The following NCSTN variants were observed in gnomAD, a reference collection of about 807,000 sequenced individuals.
NCSTN encodes the protein anterior pharynx-defective 2.
NCSTN carries 22 observed loss-of-function variants against 87.0 expected under a neutral mutation model. That is an observed-to-expected ratio of 0.25 (90% CI 0.18 to 0.36). The LOEUF (loss-of-function observed/expected upper bound fraction) is 0.36, where lower values mean the gene tolerates loss of function less well. Ranked by LOEUF, NCSTN falls within the 10% of genes least tolerant of loss-of-function variation. NCSTN has a pLI of 1.00. For missense variants in NCSTN, 693 were observed against 883.3 expected (o/e 0.78, Z 2.73); for synonymous variants, 306 against 327.1 (o/e 0.94, Z 0.69).
chr1:160,348,493 T>A (rs1648641574), intron 2 of NCSTN, among the ~76,000 whole-genome samples: 1 of 152,192 alleles, frequency 6.6e-6, no homozygotes, highest in Non-Finnish European at 1.5e-5. Flanking sequence ...AACCTCAGAG[T>A]TCTTGACTAA....
intron 11 of NCSTN, 22 bp from the exon 12 acceptor site, chr1:160,355,633 C>G (rs1264414074): frequency 6.3e-7 from 1 of 1,575,634 alleles, no homozygotes; most frequent in Non-Finnish European, 8.7e-7. Context: ...GTAGCCAAGG[C>G]TCATGCCGGC....
At chr1:160,345,839 G>A (rs759792507) in intron 2 of NCSTN, among the ~76,000 whole-genome samples, 3 of 146,674 alleles carry the variant, frequency 2.0e-5, no homozygotes, top group African/African-American at 2.5e-5. Flanking sequence ...CTCGGGAGGC[G>A]GAAGCAGAAG....
At chr1:160,357,759 T>C (rs923945641) in intron 16 of NCSTN, among the ~76,000 whole-genome samples, 4 of 152,138 alleles carry the variant, frequency 2.6e-5, no homozygotes, top group Admixed American at 2.6e-4. Flanking sequence ...GGAGAGCCCC[T>C]GTGGATCCCA....
Position 160,353,014 on chromosome 1 carries a change from C to G in NCSTN, c.1101+23C>G, listed in dbSNP as rs2296271. ...CAGGTATGTGGCATGTCCCCCAGCC[C>G]CTTCCTTTTTAATTAAATCTTCCTC... On this transcript the variant is annotated intron_variant, in intron 9 of 16. Coordinates refer to ENST00000294785, the MANE Select transcript of NCSTN (RefSeq NM_015331.3). 2.1e-3 allele frequency: 3,369 copies of G among 1,603,034 alleles called. 49 individuals are homozygous for G. In the East Asian group the frequency reaches 0.035, roughly 17 times the overall value.
chr1:160,347,495 A>G (rs1480648231), intron 2 of NCSTN, among the ~76,000 whole-genome samples: 1 of 152,200 alleles, frequency 6.6e-6, no homozygotes, highest in Non-Finnish European at 1.5e-5. Flanking sequence ...GCGCAGAGAA[A>G]ATAAGCAAGT....
At chr1:160,352,791 T>TC (rs1232817419) in intron 8 of NCSTN, 96 bp from the exon 9 acceptor site, 4 of 930,912 alleles carry the variant, frequency 4.3e-6, no homozygotes, top group Non-Finnish European at 7.0e-6. Flanking sequence ...CCTGAGATAG[T>TC]CGTCTTACCT....
chr1:160,354,394 A>G, intron 11 of NCSTN, 104 bp downstream of exon 11: 1 of 1,241,876 alleles, frequency 8.1e-7, no homozygotes, highest in Non-Finnish European at 1.2e-6. Flanking sequence ...TACCCCCTCC[A>G]GAACTTCAGG....
At chr1:160,347,938 A>G (rs950713409) in intron 2 of NCSTN, among the ~76,000 whole-genome samples, 2 of 152,210 alleles carry the variant, frequency 1.3e-5, no homozygotes, top group Admixed American at 1.3e-4. Context: ...TTTAGTTGCC[A>G]CACTATCTGT....
intron 2 of NCSTN, 121 bp downstream of exon 2, chr1:160,344,947 A>G: frequency 1.2e-6 from 1 of 828,666 alleles, no homozygotes; most frequent in Non-Finnish European, 2.1e-6. Context: ...GTAGGCAGTT[A>G]CAGATAACCG....
rs1649251321 is a variant in NCSTN at position 160,358,620 on chromosome 1, C to T, written c.*349C>T. ...TTTTTCCTTCCTGCCCTGTACCTCT[C>T]TCTGCTCCTCACCCCCACCCCTGTA... On this transcript the variant is annotated 3_prime_UTR_variant, in exon 17 of 17. Transcript: ENST00000294785. The T allele has an allele frequency of 2.8e-6, 1 of 362,780 alleles. No individual in the cohort carries two copies. Among genetic ancestry groups the T allele is most frequent in the Admixed American group, 3.8e-5 (1 of 26,368 alleles). The allele number at this position is 362,780 out of a possible 1,614,324, so 22.5% of individuals were successfully genotyped here.
intron 16 of NCSTN, 48 bp from the exon 17 acceptor site, chr1:160,358,101 G>T (rs1159229784): frequency 6.2e-7 from 1 of 1,614,016 alleles, no homozygotes; most frequent in Non-Finnish European, 8.5e-7. Context: ...AAACTGCACT[G>T]AGTTCTGAGA....
chr1:160,353,442 G>A, intron 10 of NCSTN: 2 of 1,467,102 alleles, frequency 1.4e-6, no homozygotes, highest in Non-Finnish European at 1.8e-6. Context: ...TGGTTCCCTG[G>A]ACTGGGTAGT....
At position 160,355,673 on chromosome 1, in the gene NCSTN, C is replaced by T. The variant is rs775682336; in HGVS notation, c.1371C>T (p.Tyr457=). ...AFHNKYYQSI[Y]DTAENINVSY... is the part of the protein sequence containing the mutation. ...CTGGCAGATATTACCAGAGTATTTA[C>T]GACACTGCTGAGAACATTAATGTGA... Residue 457 remains tyrosine (Y), a synonymous_variant, in exon 12 of 17, where the codon TAC becomes TAT. Coordinates refer to ENST00000294785, the MANE Select transcript of NCSTN (RefSeq NM_015331.3). 1.1e-5 allele frequency: 17 copies of T among 1,613,818 alleles called. No homozygotes were observed. Among genetic ancestry groups the T allele is most frequent in the Middle Eastern group, 1.6e-4 (1 of 6,084 alleles).
In NCSTN at chr1:160,358,612, G is replaced by T; in HGVS notation, c.*341G>T. On this transcript the variant is annotated 3_prime_UTR_variant, in exon 17 of 17. Coordinates refer to ENST00000294785, the MANE Select transcript of NCSTN (RefSeq NM_015331.3). Reference sequence around the variant, plus strand: ...CCTTCTACTTTTTCCTTCCTGCCCTGTACCTCTCTCTGCTCCTCACCCCCA... The same window carrying T: ...CCTTCTACTTTTTCCTTCCTGCCCTTTACCTCTCTCTGCTCCTCACCCCCA... 1 of 369,064 alleles carries T rather than the reference G, an allele frequency of 2.7e-6. No individual in the cohort carries two copies. Among genetic ancestry groups the T allele is most frequent in the Non-Finnish European group, 5.2e-6 (1 of 190,854 alleles). The allele number at this position is 369,064 out of a possible 1,614,324, so 22.9% of individuals were successfully genotyped here.
rs1384314656 is a variant in NCSTN at position 160,357,235 on chromosome 1, C to T, written c.1989C>T (p.Ile663=). 13 of 1,613,560 alleles carry T rather than the reference C, an allele frequency of 8.1e-6. No individual in the cohort carries two copies. Among genetic ancestry groups the T allele is most frequent in the East Asian group, 2.2e-5 (1 of 44,880 alleles). The change falls in exon 16 of 17, where the codon ATC becomes ATT. Residue 663 remains isoleucine, a synonymous_variant. Coordinates refer to ENST00000294785, the MANE Select transcript of NCSTN (RefSeq NM_015331.3). ...ATATCCGTGCCCGGATATTTCTCATCGCCAGCAAAGAGCTTGAGGTGAGAT... is the reference window on the plus strand; with the variant it reads ...ATATCCGTGCCCGGATATTTCTCATTGCCAGCAAAGAGCTTGAGGTGAGAT... ...WKDIRARIFL[I]ASKELELITL...
In NCSTN at chr1:160,353,151, T is replaced by G; in HGVS notation, c.1102-9T>G. On this transcript the variant is annotated splice_polypyrimidine_tract_variant and intron_variant, in intron 9 of 16. Transcript: ENST00000294785. ...GATTCTAAGTGTTGTTTCTTCATCCTCCCCCCAGGTGGCCTTAAGAACTTC... is the reference window on the plus strand; with the variant it reads ...GATTCTAAGTGTTGTTTCTTCATCCGCCCCCCAGGTGGCCTTAAGAACTTC... 1 of 1,613,526 alleles carries G rather than the reference T, an allele frequency of 6.2e-7. No homozygotes were observed. The highest frequency in any genetic ancestry group is 8.5e-7 in the Non-Finnish European group (1 of 1,179,536).
At position 160,344,764 on chromosome 1, in the gene NCSTN, C is replaced by A. The variant is rs762493645; in HGVS notation, c.128C>A (p.Pro43His). 6.2e-7 allele frequency: 1 copy of A among 1,614,132 alleles called. No homozygotes were observed. The highest frequency in any genetic ancestry group is 8.5e-7 in the Non-Finnish European group (1 of 1,180,010). ...GNSVERKIYI[P>H]LNKTAPCVRL... ...TCAGTGGAGAGGAAGATATATATCC[C>A]CTTAAATAAAACAGCTCCCTGTGTT... Residue 43 changes from proline (P) to histidine (H), a missense_variant, in exon 2 of 17, where the codon CCC (proline) becomes CAC (histidine). Physicochemically the swap from Pro to His is moderately conservative, Grantham distance 77. Coordinates refer to ENST00000294785, the MANE Select transcript of NCSTN (RefSeq NM_015331.3).
chr1:160,346,126 G>C (rs1303345727), intron 2 of NCSTN, among the ~76,000 whole-genome samples: 1 of 152,006 alleles, frequency 6.6e-6, no homozygotes, highest in East Asian at 1.9e-4. Context: ...CAAAATCATA[G>C]GGCAGGAAAA....
chr1:160,358,680 G>A lies in NCSTN; in HGVS notation c.*409G>A, dbSNP rs1299311257. ...CTTCCTGACTGGGAAGGACATAAAA[G>A]GTTTAATGTCAGGGTCAAACTACAT... On this transcript the variant is annotated 3_prime_UTR_variant, in exon 17 of 17. Transcript: ENST00000294785. 1.3e-5 allele frequency: 4 copies of A among 304,648 alleles called. No homozygotes were observed. Among genetic ancestry groups the A allele is most frequent in the South Asian group, 1.2e-4 (4 of 32,090 alleles). 18.9% of individuals were successfully genotyped at this position (304,648 alleles called of 1,614,324 possible).
Sources: gnomAD v4.1 joint callset for allele counts (sites outside exome capture counted in the v4.1 genomes callset) on GRCh38, gnomAD v4.1.1 for gene constraint, MANE v1.5 for transcripts, NCBI Gene and HGNC (gene_info 2026-07-23, HGNC 2026-07-21) for gene names.